IMMP2L: variants seen among roughly 807,000 people sequenced by gnomAD.
IMMP2L encodes the protein mitochondrial inner membrane protease subunit 2.
A neutral mutation model predicts 19.3 loss-of-function variants in IMMP2L; 18 were observed. The ratio of observed to expected loss-of-function variants is 0.93; its 90% CI spans 0.64 to 1.38. The LOEUF is 1.38. Ranked by LOEUF, IMMP2L falls within the 40% of genes most tolerant of loss-of-function variation. The pLI is 0.00. For synonymous variants in IMMP2L, 76 were observed against 73.0 expected (o/e 1.04, Z -0.21); for missense variants, 233 against 218.2 (o/e 1.07, Z -0.43).
chr7:111,083,637 A>G (rs999713173), intron 3 of IMMP2L, among the ~76,000 whole-genome samples: 7 of 152,324 alleles, frequency 4.6e-5, no homozygotes, highest in Admixed American at 3.3e-4. Flanking sequence ...CAACTGTAGA[A>G]GTTCACCAAC....
At chr7:110,914,270 G>A (rs1813355873) in intron 4 of IMMP2L, among the ~76,000 whole-genome samples, 1 of 152,132 alleles carries the variant, frequency 6.6e-6, no homozygotes, top group South Asian at 2.1e-4. Context: ...CTCTGCTGTT[G>A]TCTGCAGTTG....
At chr7:111,272,763 G>A (rs1019671858) in intron 3 of IMMP2L, among the ~76,000 whole-genome samples, 1 of 152,066 alleles carries the variant, frequency 6.6e-6, no homozygotes, top group Non-Finnish European at 1.5e-5. Context: ...CCTTTTCTTT[G>A]GGCCCACACA....
intron 3 of IMMP2L, among the ~76,000 whole-genome samples, chr7:111,320,068 T>C (rs961348440): frequency 5.3e-5 from 8 of 151,988 alleles, no homozygotes; most frequent in Admixed American, 1.3e-4. Context: ...GGAAGATATA[T>C]ATACACAGAA....
intron 3 of IMMP2L, among the ~76,000 whole-genome samples, chr7:111,397,136 T>A (rs2131376393): frequency 6.6e-6 from 1 of 152,200 alleles, no homozygotes; most frequent in East Asian, 1.9e-4. Flanking sequence ...AAATCACTTA[T>A]AATAGACATA....
At chr7:110,701,865 T>C (rs1400177232) in intron 5 of IMMP2L, among the ~76,000 whole-genome samples, 3 of 152,232 alleles carry the variant, frequency 2.0e-5, no homozygotes, top group African/African-American at 7.2e-5. Flanking sequence ...TATTACGGTA[T>C]ATTAGCTCTA....
intron 3 of IMMP2L, among the ~76,000 whole-genome samples, chr7:110,980,249 T>TTA (rs1457896351): frequency 1.0e-4 from 15 of 148,474 alleles, no homozygotes; most frequent in African/African-American, 3.7e-4. Context: ...TTTTTTTTTT[T>TTA]AGGAGTCTCG....
chr7:111,431,094 G>C (rs1836581987), intron 3 of IMMP2L, among the ~76,000 whole-genome samples: 1 of 151,816 alleles, frequency 6.6e-6, no homozygotes, highest in Admixed American at 6.6e-5. Flanking sequence ...GCAAAAGAGT[G>C]AGACTCTGTC....
chr7:111,391,099 T>C (rs560027030), intron 3 of IMMP2L, among the ~76,000 whole-genome samples: 1 of 152,296 alleles, frequency 6.6e-6, no homozygotes, highest in African/African-American at 2.4e-5. Context: ...GTTATTTTCA[T>C]TTTTAGTAAT....
intron 3 of IMMP2L, among the ~76,000 whole-genome samples, chr7:111,225,541 G>T (rs1224383389): frequency 6.6e-6 from 1 of 151,968 alleles, no homozygotes; most frequent in Non-Finnish European, 1.5e-5. Context: ...TATGGCATCA[G>T]ATTCCACACT....
intron 3 of IMMP2L, among the ~76,000 whole-genome samples, chr7:111,104,302 G>A (rs1043956159): frequency 6.6e-6 from 1 of 151,656 alleles, no homozygotes; most frequent in Non-Finnish European, 1.5e-5. Flanking sequence ...CCAATTTCCT[G>A]TAAATGTTTA....
intron 5 of IMMP2L, among the ~76,000 whole-genome samples, chr7:110,735,501 G>T (rs931325971): frequency 2.6e-5 from 4 of 151,878 alleles, no homozygotes; most frequent in Admixed American, 6.6e-5. Flanking sequence ...TATTCATCAA[G>T]ACAATGAATG....
At position 111,186,301 on chromosome 7, in the gene IMMP2L, C is replaced by T. The variant is rs544941445; in HGVS notation, c.240-222736G>A. Among the ~76,000 whole-genome samples, 5 of 152,256 alleles carry T rather than the reference C, an allele frequency of 3.3e-5. No individual in the cohort carries two copies. The East Asian group carries it at 9.6e-4, about 29-fold the overall frequency. On this transcript the variant is annotated intron_variant, in intron 3 of 5. Transcript: ENST00000405709. ...TGCGGGCATGTGATTGTCACAAATA[C>T]AGTTATAGCCATGGGACTATTCATG...
chr7:110,701,890 T>C (rs181532540), intron 5 of IMMP2L, among the ~76,000 whole-genome samples: 48 of 152,276 alleles, frequency 3.2e-4, no homozygotes, highest in African/African-American at 1.1e-3. Flanking sequence ...GATTTCTATA[T>C]GTGTATAGTC....
intron 3 of IMMP2L, among the ~76,000 whole-genome samples, chr7:111,382,374 TTG>T (rs1831283903): frequency 6.6e-6 from 1 of 151,936 alleles, no homozygotes; most frequent in Non-Finnish European, 1.5e-5. Context: ...CAAAAAGTAT[TTG>T]GCAAGTCAGA....
chr7:111,049,577 T>C (rs1342982382), intron 3 of IMMP2L, among the ~76,000 whole-genome samples: 1 of 152,184 alleles, frequency 6.6e-6, no homozygotes, highest in African/African-American at 2.4e-5. Context: ...TTCCCTTTGA[T>C]CCACCCCTTA....
intron 2 of IMMP2L, among the ~76,000 whole-genome samples, chr7:111,501,126 A>C (rs1844200524): frequency 6.6e-6 from 1 of 152,190 alleles, no homozygotes; most frequent in Admixed American, 6.5e-5. Flanking sequence ...AGAAGTCCTT[A>C]AAGGAGCTGA....
At chr7:110,799,787 A>C (rs147264466) in intron 5 of IMMP2L, among the ~76,000 whole-genome samples, 2 of 152,218 alleles carry the variant, frequency 1.3e-5, no homozygotes, top group African/African-American at 4.8e-5. Flanking sequence ...TGGGTGATTC[A>C]CTGGCAATAT....
At chr7:111,348,203 G>A (rs1444069809) in intron 3 of IMMP2L, among the ~76,000 whole-genome samples, 2 of 150,498 alleles carry the variant, frequency 1.3e-5, no homozygotes, top group Non-Finnish European at 3.0e-5. Flanking sequence ...TGAGTTGATG[G>A]GTGCAGCACA....
At chr7:110,675,182 C>T (rs1471711018) in intron 5 of IMMP2L, among the ~76,000 whole-genome samples, 1 of 152,134 alleles carries the variant, frequency 6.6e-6, no homozygotes, top group Non-Finnish European at 1.5e-5. Flanking sequence ...ATGTATAAGG[C>T]TAGTGGTGAG....
Sources: gnomAD v4.1 joint callset for allele counts (sites outside exome capture counted in the v4.1 genomes callset) on GRCh38, gnomAD v4.1.1 for gene constraint, MANE v1.5 for transcripts, NCBI Gene and HGNC (gene_info 2026-07-23, HGNC 2026-07-21) for gene names.